Variants in CHLSN observed in about 807,000 individuals in gnomAD.
CHLSN encodes the protein protein cholesin.
At chr7:1,103,150 T>G in the CHLSN span, among the ~76,000 whole-genome samples, 1 of 152,136 alleles carries the variant, frequency 6.6e-6, no homozygotes, top group African/African-American at 2.4e-5. Context: ...AGTTCACACA[T>G]AAACGGTGTG....
At chr7:988,653 G>T in the CHLSN span, 1 of 1,601,756 alleles carries the variant, frequency 6.2e-7, no homozygotes, top group African/African-American at 1.3e-5. Context: ...GTCTGTGTTG[G>T]GGAGCGCCTG....
the CHLSN span, among the ~76,000 whole-genome samples, chr7:1,103,896 CAGGGGAG>C: frequency 6.6e-6 from 1 of 152,202 alleles, no homozygotes; most frequent in Admixed American, 6.5e-5. Flanking sequence ...CCCGGTGGGG[CAGGGGAG>C]AGCTGGAAGG....
At chr7:1,079,989 C>G in the CHLSN span, among the ~76,000 whole-genome samples, 2 of 152,262 alleles carry the variant, frequency 1.3e-5, no homozygotes, top group Admixed American at 1.3e-4. Context: ...ACGAGTCCCA[C>G]AAGCCCCTGG....
At chr7:1,028,840 C>G in the CHLSN span, 1 of 789,088 alleles carries the variant, frequency 1.3e-6, no homozygotes, top group Non-Finnish European at 1.5e-6. Flanking sequence ...CCAGTCTACC[C>G]CCATCTTCCC....
the CHLSN span, among the ~76,000 whole-genome samples, chr7:1,084,599 C>T: frequency 6.6e-6 from 1 of 152,206 alleles, no homozygotes; most frequent in Non-Finnish European, 1.5e-5. Context: ...CCTGGTGGAC[C>T]GCTCCCCTTG....
the CHLSN span, among the ~76,000 whole-genome samples, chr7:1,013,619 C>T: frequency 1.4e-4 from 21 of 152,318 alleles, no homozygotes; most frequent in African/African-American, 4.3e-4. Context: ...TTTGAGCCGA[C>T]GCTGTCAGGG....
the CHLSN span, among the ~76,000 whole-genome samples, chr7:1,132,694 TAAAAA>T: frequency 9.3e-6 from 1 of 107,000 alleles, no homozygotes; most frequent in South Asian, 3.1e-4. Context: ...AACCTGTCTT[TAAAAA>T]AAAAAAAAAA....
At chr7:991,967 G>A in the CHLSN span, among the ~76,000 whole-genome samples, 1 of 152,138 alleles carries the variant, frequency 6.6e-6, no homozygotes, top group Non-Finnish European at 1.5e-5. Flanking sequence ...CTGCCAATGG[G>A]TCCTTTTCAA....
chr7:1,095,670 G>T, the CHLSN span, among the ~76,000 whole-genome samples: 1 of 152,216 alleles, frequency 6.6e-6, no homozygotes, highest in Non-Finnish European at 1.5e-5. Flanking sequence ...GCAGCCCCGT[G>T]GGGTAAGCGC....
At chr7:997,714 G>C in the CHLSN span, 1 of 1,611,600 alleles carries the variant, frequency 6.2e-7, no homozygotes, top group South Asian at 1.1e-5. Context: ...TCCCGCATCA[G>C]GGCTTCCGCC....
chr7:1,112,375 G>A, the CHLSN span, among the ~76,000 whole-genome samples: 1 of 152,216 alleles, frequency 6.6e-6, no homozygotes, highest in East Asian at 1.9e-4. Context: ...CAGCTCACCT[G>A]CCCTGCGGCC....
the CHLSN span, among the ~76,000 whole-genome samples, chr7:983,632 A>G: frequency 0.034 from 5,183 of 152,266 alleles, 127 homozygotes; most frequent in African/African-American, 0.058. Context: ...GCGCGGGAGC[A>G]GGAGTCTGGA....
chr7:1,035,198 A>C, the CHLSN span, among the ~76,000 whole-genome samples: 8 of 151,162 alleles, frequency 5.3e-5, no homozygotes, highest in Non-Finnish European at 1.2e-4. Context: ...TATTGTGAAC[A>C]GTGCTGGGCT....
At chr7:1,081,664 C>A in the CHLSN span, among the ~76,000 whole-genome samples, 1 of 150,300 alleles carries the variant, frequency 6.7e-6, no homozygotes, top group East Asian at 1.9e-4. Context: ...TGGAGCCAGT[C>A]GAGGAACCTG....
the CHLSN span, among the ~76,000 whole-genome samples, chr7:1,050,565 G>A: frequency 5.3e-5 from 8 of 152,344 alleles, no homozygotes; most frequent in Admixed American, 2.0e-4. Flanking sequence ...TGCAAGTGGC[G>A]TCCCTGCACC....
At chr7:1,018,452 TGAG>T in the CHLSN span, among the ~76,000 whole-genome samples, 3 of 151,648 alleles carry the variant, frequency 2.0e-5, no homozygotes, top group Non-Finnish European at 2.9e-5. Flanking sequence ...GGAGATGTGA[TGAG>T]GAGACATGAC....
At chr7:1,098,518 G>A in the CHLSN span, among the ~76,000 whole-genome samples, 2 of 152,250 alleles carry the variant, frequency 1.3e-5, no homozygotes, top group Admixed American at 1.3e-4. Flanking sequence ...TAAAGTCACA[G>A]TCAGGGAGAT....
chr7:1,080,246 G>C, the CHLSN span, among the ~76,000 whole-genome samples: 1 of 152,230 alleles, frequency 6.6e-6, no homozygotes, highest in South Asian at 2.1e-4. Flanking sequence ...ATGAAACCCT[G>C]TATGTGAACA....
At chr7:1,081,735 T>C in the CHLSN span, among the ~76,000 whole-genome samples, 1 of 105,400 alleles carries the variant, frequency 9.5e-6, no homozygotes, top group African/African-American at 5.0e-5. Flanking sequence ...CTCGAACCCA[T>C]GGCTTTCTTC....
Sources: gnomAD v4.1 joint callset for allele counts (sites outside exome capture counted in the v4.1 genomes callset) on GRCh38, gnomAD v4.1.1 for gene constraint, MANE v1.5 for transcripts, NCBI Gene and HGNC (gene_info 2026-07-23, HGNC 2026-07-21) for gene names.